Variants in APCDD1 observed in about 807,000 individuals in gnomAD.
The protein encoded by APCDD1 is APC down-regulated 1.
A neutral mutation model predicts 38.1 loss-of-function variants in APCDD1; 15 were observed. The observed-to-expected ratio is 0.39, with a 90% CI of 0.26 to 0.61. The LOEUF (loss-of-function observed/expected upper bound fraction) is 0.61. Ranked by LOEUF, APCDD1 falls within the 20% of genes least tolerant of loss-of-function variation. The pLI is 0.49. For synonymous variants in APCDD1, 261 were observed against 279.7 expected (o/e 0.93, Z 0.67); for missense variants, 647 against 696.2 (o/e 0.93, Z 0.79).
Position 10,471,627 on chromosome 18 carries a change from C to A in APCDD1, c.340C>A (p.Arg114=). The A allele has an allele frequency of 6.2e-7, 1 of 1,614,162 alleles. No individual in the cohort carries two copies. The highest frequency in any genetic ancestry group is 2.2e-5 in the East Asian group (1 of 44,884). The change falls in exon 3 of 5, where the codon CGG becomes AGG. Residue 114 remains arginine (R), a synonymous_variant. Transcript: ENST00000355285. This position sits in a 1 kb window ranked among gnomAD's most constrained non-coding sequence, Gnocchi z 5.5. ...CTACCAATTTTATTATGGCAGCAACCGGTGCACAAATCCCACTTATACTCT... is the reference window on the plus strand; with the variant it reads ...CTACCAATTTTATTATGGCAGCAACAGGTGCACAAATCCCACTTATACTCT... ...KAYQFYYGSN[R]CTNPTYTLII... is the part of the protein sequence containing the mutation.
At position 10,470,934 on chromosome 18, in the gene APCDD1, A is replaced by G. The variant is rs2143533637; in HGVS notation, c.243-596A>G. On this transcript the variant is annotated intron_variant, in intron 2 of 4. Transcript: ENST00000355285. The surrounding 1 kb of genome is among the most constrained non-coding windows in gnomAD (Gnocchi z 4.1). ...TTGCTTTTAGTTAATTGCCCCCTTT[A>G]CTTTTCTACTAGAGAGAAAATTAAT... Among the ~76,000 whole-genome samples, 1 of 152,280 alleles carries G rather than the reference A, an allele frequency of 6.6e-6. No individual in the cohort carries two copies. The highest frequency in any genetic ancestry group is 2.1e-4 in the South Asian group (1 of 4,814).
At chr18:10,479,477 A>G (rs191281504) in intron 3 of APCDD1, among the ~76,000 whole-genome samples, 3 of 152,350 alleles carry the variant, frequency 2.0e-5, no homozygotes. Flanking sequence ...CCTTTCCAGA[A>G]ATAAACAGTG....
At chr18:10,483,592 A>C (rs1017471940) in intron 3 of APCDD1, among the ~76,000 whole-genome samples, 1 of 152,182 alleles carries the variant, frequency 6.6e-6, no homozygotes, top group Non-Finnish European at 1.5e-5. Context: ...ACGAAATCAC[A>C]TGTTGAGTGA....
intron 1 of APCDD1, among the ~76,000 whole-genome samples, chr18:10,459,781 G>T (rs2143508656): frequency 6.6e-6 from 1 of 152,216 alleles, no homozygotes; most frequent in African/African-American, 2.4e-5. Context: ...TTATTTAATT[G>T]GGCAGGCAAT....
At position 10,485,992 on chromosome 18, in the gene APCDD1, C is replaced by T. The variant is rs894560015; in HGVS notation, c.1096+209C>T. Among the ~76,000 whole-genome samples, 1 of 152,220 alleles carries T rather than the reference C, an allele frequency of 6.6e-6. No homozygotes were observed. Among genetic ancestry groups the T allele is most frequent in the African/African-American group, 2.4e-5 (1 of 41,444 alleles). On this transcript the variant is annotated intron_variant, in intron 4 of 4. Transcript: ENST00000355285. This position sits in a 1 kb window ranked among gnomAD's most constrained non-coding sequence, Gnocchi z 5.8. ...AGGTGGACAGCCTCCACTTGCAGGC[C>T]TGAATGCGAGAGGAGTCCACGCCAC...
Position 10,488,292 on chromosome 18 carries a change from T to G in APCDD1, c.*254T>G. 7.5e-6 allele frequency: 4 copies of G among 534,526 alleles called. No homozygotes were observed. Among genetic ancestry groups the G allele is most frequent in the East Asian group, 3.3e-5 (1 of 30,196 alleles). 33.1% of individuals were successfully genotyped at this position (534,526 alleles called of 1,614,324 possible). ...ACAGTAATTGCACTTTAAGACAGCC[T>G]AGAGTTCTGGACGAGCGTGTTTGGT... On this transcript the variant is annotated 3_prime_UTR_variant, in exon 5 of 5. Coordinates refer to ENST00000355285, the MANE Select transcript of APCDD1 (RefSeq NM_153000.5).
intron 3 of APCDD1, among the ~76,000 whole-genome samples, chr18:10,484,301 A>C (rs933261554): frequency 1.7e-4 from 26 of 152,164 alleles, no homozygotes; most frequent in African/African-American, 6.3e-4. Flanking sequence ...CGCCTCCTCC[A>C]TTCCCTCTTC....
At chr18:10,464,646 C>G (rs1180898808) in intron 1 of APCDD1, among the ~76,000 whole-genome samples, 1 of 152,166 alleles carries the variant, frequency 6.6e-6, no homozygotes, top group Non-Finnish European at 1.5e-5. Context: ...GTCTCAAACT[C>G]CTAGCTTCAA....
rs771067572 is a variant in APCDD1 at position 10,485,501 on chromosome 18, C to T, written c.814C>T (p.Arg272Trp). The T allele has an allele frequency of 3.6e-5, 58 of 1,614,046 alleles. No individual in the cohort carries two copies. The Admixed American group carries it at 4.3e-4, about 12-fold the overall frequency. Reference sequence around the variant, plus strand: ...CTGCATCGCCTGTCGGATCATCTATCGGTCAGACGAGCACCACCCTCCCAT... The same window carrying T: ...CTGCATCGCCTGTCGGATCATCTATTGGTCAGACGAGCACCACCCTCCCAT... Reference protein sequence around the residue: ...HACIACRIIYRSDEHHPPILP... With the variant: ...HACIACRIIYWSDEHHPPILP... The change falls in exon 4 of 5, where the codon CGG (arginine) becomes TGG (tryptophan). Residue 272 changes from arginine (R) to tryptophan (W), a missense_variant. Arg to Trp is a moderately radical substitution (Grantham distance 101). Transcript: ENST00000355285. This position sits in a 1 kb window ranked among gnomAD's most constrained non-coding sequence, Gnocchi z 5.8.
intron 3 of APCDD1, among the ~76,000 whole-genome samples, chr18:10,484,174 G>C (rs1478646860): frequency 6.6e-6 from 1 of 152,236 alleles, no homozygotes; most frequent in Non-Finnish European, 1.5e-5. Flanking sequence ...TGAGAAAGCA[G>C]GAAGCAGATG....
intron 3 of APCDD1, among the ~76,000 whole-genome samples, chr18:10,482,422 G>A (rs1220183264): frequency 6.6e-6 from 1 of 152,234 alleles, no homozygotes; most frequent in Non-Finnish European, 1.5e-5. Flanking sequence ...TACCAGCGAT[G>A]AGCTGCAAAT....
In APCDD1 at chr18:10,468,778, A is replaced by G. The variant is rs544205809; in HGVS notation, c.242+126A>G. 28 of 1,020,894 alleles carry G rather than the reference A, an allele frequency of 2.7e-5. No individual in the cohort carries two copies. The Admixed American group carries it at 3.8e-4, about 14-fold the overall frequency. The allele number at this position is 1,020,894 out of a possible 1,614,324, so 63.2% of individuals were successfully genotyped here. A position where few individuals can be genotyped will look rare whatever the true frequency, so the allele number is the denominator to read the frequency against. On this transcript the variant is annotated intron_variant, in intron 2 of 4. Transcript: ENST00000355285. ...TGATTTAGGTGTTGTCCAAGTTCTA[A>G]TGAAGAACCAAACCACTCTTTGAAA... is the stretch of plus-strand genomic sequence containing the variant.
At chr18:10,465,086 T>C (rs1598395850) in intron 1 of APCDD1, among the ~76,000 whole-genome samples, 2 of 152,206 alleles carry the variant, frequency 1.3e-5, no homozygotes, top group East Asian at 3.9e-4. Flanking sequence ...GCTTGGAGAG[T>C]TAAGTGATTT....
chr18:10,466,482 C>T lies in APCDD1; in HGVS notation c.59-1987C>T, dbSNP rs7228979. ...CATCTGGCCCAGTGCCACAGCTGAA[C>T]AACTAAAGGGACATGGTCCTCACCC... On this transcript the variant is annotated intron_variant, in intron 1 of 4. Transcript: ENST00000355285. Among the ~76,000 whole-genome samples the T allele has an allele frequency of 6.8e-3, 1,037 of 152,320 alleles. 16 individuals carry two copies. Among genetic ancestry groups the T allele is most frequent in the African/African-American group, 0.023 (969 of 41,564 alleles).
chr18:10,462,643 C>CCT (rs2030594716), intron 1 of APCDD1, among the ~76,000 whole-genome samples: 1 of 15,806 alleles, frequency 6.3e-5, no homozygotes, highest in South Asian at 2.4e-3. Context: ...CCTTCCCTCC[C>CCT]TCCTTCCTTC....
At chr18:10,466,004 A>T (rs484691) in intron 1 of APCDD1, among the ~76,000 whole-genome samples, 5,749 of 152,248 alleles carry the variant, frequency 0.038, 143 homozygotes, top group East Asian at 0.11. Context: ...GAGGTTTACA[A>T]ATCAAGTTTT....
At chr18:10,465,632 C>T (rs538021100) in intron 1 of APCDD1, among the ~76,000 whole-genome samples, 1 of 152,194 alleles carries the variant, frequency 6.6e-6, no homozygotes, top group African/African-American at 2.4e-5. Context: ...GTTATTGAGA[C>T]ACGTGCAGAG....
At position 10,471,954 on chromosome 18, in the gene APCDD1, CTCGACCACCTGG is replaced by C; in HGVS notation, c.672_683del (p.Asp224_Val227del). ...GGAGAAGCAGTACCTTCACCACAAC[CTCGACCACCTGG>C]TCGAGGAGCTCTTCCTTGGTGACAT... On this transcript the variant is annotated inframe_deletion, in exon 3 of 5. Coordinates refer to ENST00000355285, the MANE Select transcript of APCDD1 (RefSeq NM_153000.5). This position sits in a 1 kb window ranked among gnomAD's most constrained non-coding sequence, Gnocchi z 5.5. 5 of 1,614,112 alleles carry C rather than the reference CTCGACCACCTGG, an allele frequency of 3.1e-6. No individual in the cohort carries two copies. Among genetic ancestry groups the C allele is most frequent in the Non-Finnish European group, 4.2e-6 (5 of 1,180,036 alleles).
chr18:10,480,668 C>G (rs557224734), intron 3 of APCDD1, among the ~76,000 whole-genome samples: 1 of 151,686 alleles, frequency 6.6e-6, no homozygotes, highest in Admixed American at 6.6e-5. Context: ...TTGAGACCAG[C>G]CTGGGCAACA....
Sources: allele counts gnomAD v4.1 joint callset (sites outside exome capture counted in the v4.1 genomes callset), GRCh38; gene constraint gnomAD v4.1.1; non-coding constraint Gnocchi (gnomAD v3.1); transcripts MANE v1.5; gene names NCBI Gene and HGNC (gene_info 2026-07-23, HGNC 2026-07-21).